The following GABPB2 variants were observed in gnomAD, a reference collection of about 807,000 sequenced individuals.
The protein encoded by GABPB2 is GA-binding protein subunit beta-2.
In GABPB2, 23 loss-of-function variants were observed where a neutral mutation model predicts 39.1. The ratio of observed to expected loss-of-function variants is 0.59; its 90% CI spans 0.42 to 0.83. The LOEUF is 0.83. GABPB2 is among the 40% of genes least tolerant of loss of function. GABPB2 has a pLI of 0.00. For missense variants in GABPB2, 467 were observed against 541.1 expected (o/e 0.86, Z 1.36); for synonymous variants, 184 against 199.3 (o/e 0.92, Z 0.65).
At position 151,121,187 on chromosome 1, in the gene GABPB2, A is replaced by T. The variant is rs904601613; in HGVS notation, c.*2931A>T. ...AGGGGGTCGGAGGTAAATGCTGATG[A>T]TGTTGTTTAGTTTTATTTCCTTTTG... On this transcript the variant is annotated 3_prime_UTR_variant, in exon 9 of 9. Coordinates refer to ENST00000368918, the MANE Select transcript of GABPB2 (RefSeq NM_144618.3). 1.3e-5 allele frequency: 2 copies of T among 152,080 alleles called. No individual in the cohort carries two copies. Among genetic ancestry groups the T allele is most frequent in the South Asian group, 4.1e-4 (2 of 4,824 alleles). The allele number at this position is 152,080 out of a possible 1,614,324, so 9.4% of individuals were successfully genotyped here.
chr1:151,098,305 C>T (rs1679258753), intron 5 of GABPB2, among the ~76,000 whole-genome samples: 2 of 151,948 alleles, frequency 1.3e-5, no homozygotes, highest in Admixed American at 6.6e-5. Flanking sequence ...CTTGAGGCCA[C>T]CCTGGACTGG....
At chr1:151,085,536 G>T (rs1678111465) in intron 1 of GABPB2, among the ~76,000 whole-genome samples, 1 of 152,132 alleles carries the variant, frequency 6.6e-6, no homozygotes, top group South Asian at 2.1e-4. Context: ...CGCCTCCAGG[G>T]TTCACACCAT....
At chr1:151,073,826 A>G (rs1461780691) in intron 1 of GABPB2, among the ~76,000 whole-genome samples, 1 of 151,652 alleles carries the variant, frequency 6.6e-6, no homozygotes, top group Admixed American at 6.6e-5. Context: ...AGGCTGAGGC[A>G]GGAGAATCAC....
At chr1:151,093,530 G>A in intron 4 of GABPB2, 144 bp downstream of exon 4, 1 of 563,498 alleles carries the variant, frequency 1.8e-6, no homozygotes, top group Non-Finnish European at 3.0e-6. Flanking sequence ...AGTGTCATTA[G>A]TATCTTTAAA....
chr1:151,103,578 A>G lies in GABPB2; in HGVS notation c.639A>G (p.Ser213=), dbSNP rs1484340084. ...TKTTSGDPHA[S]TVQFSNSTTS... ...CTGAAATAGGTGACCCCCATGCCTCAACAGTACAGTTTTCAAATTCTACCA... is the reference window on the plus strand; with the variant it reads ...CTGAAATAGGTGACCCCCATGCCTCGACAGTACAGTTTTCAAATTCTACCA... Residue 213 remains serine, a synonymous_variant, in exon 6 of 9, where the codon TCA becomes TCG. Coordinates refer to ENST00000368918, the MANE Select transcript of GABPB2 (RefSeq NM_144618.3). 2.5e-6 allele frequency: 4 copies of G among 1,613,652 alleles called. No individual in the cohort carries two copies. Among genetic ancestry groups the G allele is most frequent in the Non-Finnish European group, 3.4e-6 (4 of 1,179,738 alleles).
At chr1:151,111,237 A>C (rs1680396546) in intron 7 of GABPB2, among the ~76,000 whole-genome samples, 1 of 147,818 alleles carries the variant, frequency 6.8e-6, no homozygotes, top group Non-Finnish European at 1.5e-5. Flanking sequence ...AGCTCCCGAA[A>C]TTTTTTTTTT....
At chr1:151,075,550 C>T (rs1038568818) in intron 1 of GABPB2, among the ~76,000 whole-genome samples, 59 of 120,168 alleles carry the variant, frequency 4.9e-4, no homozygotes, top group African/African-American at 1.7e-3. Context: ...GGCGACAGAG[C>T]GAGACTTTGT....
At chr1:151,081,076 T>C (rs1024177619) in intron 1 of GABPB2, among the ~76,000 whole-genome samples, 1 of 149,788 alleles carries the variant, frequency 6.7e-6, no homozygotes, top group African/African-American at 2.5e-5. Flanking sequence ...GGTTTCACCA[T>C]GTTAGCCAGG....
At chr1:151,071,286 T>C (rs1033146222) in intron 1 of GABPB2, among the ~76,000 whole-genome samples, 6 of 152,068 alleles carry the variant, frequency 3.9e-5, no homozygotes, top group Non-Finnish European at 5.9e-5. Flanking sequence ...CTGCCCCAAA[T>C]TGGTTCCCAT....
At chr1:151,104,087 C>T (rs902800668) in intron 6 of GABPB2, among the ~76,000 whole-genome samples, 7 of 152,104 alleles carry the variant, frequency 4.6e-5, no homozygotes, top group Admixed American at 2.0e-4. Context: ...GTACCTTTTT[C>T]GTTGTCATAT....
intron 1 of GABPB2, among the ~76,000 whole-genome samples, chr1:151,085,289 T>C (rs1678084216): frequency 6.6e-6 from 1 of 151,674 alleles, no homozygotes; most frequent in African/African-American, 2.4e-5. Flanking sequence ...TCCAGATACT[T>C]GGGAGGCTGA....
chr1:151,071,359 C>T (rs1676696475), intron 1 of GABPB2, among the ~76,000 whole-genome samples: 1 of 151,442 alleles, frequency 6.6e-6, no homozygotes, highest in Non-Finnish European at 1.5e-5. Context: ...AACGGCGACT[C>T]TCATTATCTG....
rs1194481714 is a variant in GABPB2, at chr1:151,107,095, G to C, written c.795G>C (p.Met265Ile). ...NSVDSSIQQV[M>I]GSGGQRVITI... is the part of the protein sequence containing the mutation. ...TTGACTCATCAATCCAGCAAGTAAT[G>C]GGGAGTGGAGGCCAGAGGGTCATCA... Residue 265 changes from methionine (M) to isoleucine (I), a missense_variant, in exon 7 of 9, where the codon ATG (methionine) becomes ATC (isoleucine). Coordinates refer to ENST00000368918, the MANE Select transcript of GABPB2 (RefSeq NM_144618.3). The C allele has an allele frequency of 6.2e-7, 1 of 1,613,162 alleles. No homozygotes were observed. The highest frequency in any genetic ancestry group is 8.5e-7 in the Non-Finnish European group (1 of 1,179,568).
intron 5 of GABPB2, among the ~76,000 whole-genome samples, chr1:151,099,475 C>T (rs1174588121): frequency 6.6e-6 from 1 of 152,210 alleles, no homozygotes; most frequent in Admixed American, 6.5e-5. Context: ...GGATTACAGG[C>T]ATGAGCCACC....
chr1:151,092,045 C>T (rs587762027), intron 3 of GABPB2, among the ~76,000 whole-genome samples: 30 of 151,160 alleles, frequency 2.0e-4, no homozygotes, highest in Non-Finnish European at 4.3e-4. Context: ...AATTCTCCTG[C>T]CTCAGCCTCC....
At position 151,119,544 on chromosome 1, in the gene GABPB2, C is replaced by T. The variant is rs1305173754; in HGVS notation, c.*1288C>T. 6.6e-6 allele frequency: 1 copy of T among 152,176 alleles called. No individual in the cohort carries two copies. The highest frequency in any genetic ancestry group is 1.5e-5 in the Non-Finnish European group (1 of 68,092). 9.4% of individuals were successfully genotyped at this position (152,176 alleles called of 1,614,324 possible). A position where few individuals can be genotyped will look rare whatever the true frequency, so the allele number is the denominator to read the frequency against. ...CACAAGGTCAAGAGATTAAGATCAT[C>T]CTGGCCAACATGGTGACACCCCGTC... On this transcript the variant is annotated 3_prime_UTR_variant, in exon 9 of 9. Coordinates refer to ENST00000368918, the MANE Select transcript of GABPB2 (RefSeq NM_144618.3).
chr1:151,109,720 G>A (rs1185749350), intron 7 of GABPB2, among the ~76,000 whole-genome samples: 1 of 151,480 alleles, frequency 6.6e-6, no homozygotes, highest in Non-Finnish European at 1.5e-5. Context: ...TTGTTGCCCA[G>A]GCTAGAATGC....
chr1:151,099,624 T>G (rs1679368477), intron 5 of GABPB2, among the ~76,000 whole-genome samples: 1 of 152,246 alleles, frequency 6.6e-6, no homozygotes. Context: ...AACAGTATTC[T>G]TAGTTAAGTT....
rs974092612 is a variant in GABPB2 at position 151,122,844 on chromosome 1, A to C, written c.*4588A>C. On this transcript the variant is annotated 3_prime_UTR_variant, in exon 9 of 9. Transcript: ENST00000368918. The stretch of plus-strand genomic sequence containing the variant: ...TTTGTTAGAGGAGAGGCTAGGGTAG[A>C]GAGGGAGAGAATGGAGGTATCTGAA... 1 of 152,062 alleles carries C rather than the reference A, an allele frequency of 6.6e-6. No homozygotes were observed. The highest frequency in any genetic ancestry group is 1.5e-5 in the Non-Finnish European group (1 of 68,024). 9.4% of individuals were successfully genotyped at this position (152,062 alleles called of 1,614,324 possible). A position where few individuals can be genotyped will look rare whatever the true frequency, so the allele number is the denominator to read the frequency against.
Sources: gnomAD v4.1 joint callset for allele counts (sites outside exome capture counted in the v4.1 genomes callset) on GRCh38, gnomAD v4.1.1 for gene constraint, MANE v1.5 for transcripts, NCBI Gene and HGNC (gene_info 2026-07-23, HGNC 2026-07-21) for gene names.